STXBP4: variants seen among roughly 807,000 people sequenced by gnomAD.
STXBP4 encodes the protein syntaxin binding protein 4.
A neutral mutation model predicts 76.1 loss-of-function variants in STXBP4; 55 were observed. The observed-to-expected ratio is 0.72, with a 90% CI of 0.58 to 0.91. The LOEUF (loss-of-function observed/expected upper bound fraction) is 0.91. Among genes scored for constraint, STXBP4 ranks in the 40% least tolerant of loss-of-function variants. The probability of loss-of-function intolerance (pLI) is 0.00; values close to 1 mark genes in which losing one functional copy is unlikely to be tolerated. For synonymous variants in STXBP4, 201 were observed against 220.2 expected, an observed-to-expected ratio of 0.91 and a Z score of 0.77; for missense variants, 618 against 636.9, an observed-to-expected ratio of 0.97 and a Z score of 0.32.
At chr17:55,039,412 G>A (rs531143449) in intron 10 of STXBP4, among the ~76,000 whole-genome samples, 10 of 151,808 alleles carry the variant, frequency 6.6e-5, no homozygotes, top group Admixed American at 1.3e-4. Context: ...TAAATGTTAA[G>A]TTTAGAAGTC....
chr17:54,968,782 G>T lies in STXBP4; in HGVS notation c.-190G>T. The T allele has an allele frequency of 1.9e-6, 2 of 1,028,056 alleles. No individual in the cohort carries two copies. The highest frequency in any genetic ancestry group is 2.8e-6 in the Non-Finnish European group (2 of 707,384). 63.7% of individuals were successfully genotyped at this position (1,028,056 alleles called of 1,614,324 possible). A position where few individuals can be genotyped will look rare whatever the true frequency, so the allele number is the denominator to read the frequency against. On this transcript the variant is annotated 5_prime_UTR_variant, in exon 1 of 18. Coordinates refer to ENST00000376352, the MANE Select transcript of STXBP4 (RefSeq NM_178509.6). ...GGCTCCTCAGGTGGCAGCGCTTGCA[G>T]TCGGGCTACGGAGGCCGGGTTGCCA...
At chr17:55,180,821 TAAGAC>T in the STXBP4 span, among the ~76,000 whole-genome samples, 6 of 152,154 alleles carry the variant, frequency 3.9e-5, no homozygotes, top group Non-Finnish European at 8.8e-5. Context: ...TGAAGAGACT[TAAGAC>T]AAGAGGAAAG....
intron 1 of STXBP4, among the ~76,000 whole-genome samples, chr17:54,976,069 T>A (rs2077469684): frequency 6.6e-6 from 1 of 152,206 alleles, no homozygotes; most frequent in Non-Finnish European, 1.5e-5. Context: ...CTTGACTTGT[T>A]CACCATAATA....
In STXBP4 at chr17:55,043,277, G is replaced by T. The variant is rs369283045; in HGVS notation, c.897G>T (p.Arg299Ser). The T allele has an allele frequency of 3.9e-6, 6 of 1,542,938 alleles. No homozygotes were observed. The highest frequency in any genetic ancestry group is 5.2e-6 in the Non-Finnish European group (6 of 1,147,210). ...CDSSEADEMERLKCERDDALK... is the reference protein window; with the variant it reads ...CDSSEADEMESLKCERDDALK... ...CTTCAGAAGCAGATGAAATGGAAAG[G>T]CTCAAGTGTGAAAGAGATGATGCCT... is the stretch of plus-strand genomic sequence containing the variant. The change falls in exon 11 of 18, where the codon AGG (arginine) becomes AGT (serine). Residue 299 changes from arginine to serine, a missense_variant. Arg to Ser is a moderately radical substitution (Grantham distance 110, BLOSUM62 -1). Coordinates refer to ENST00000376352, the MANE Select transcript of STXBP4 (RefSeq NM_178509.6).
intron 12 of STXBP4, among the ~76,000 whole-genome samples, chr17:55,068,722 T>C (rs1021017249): frequency 6.6e-6 from 1 of 152,130 alleles, no homozygotes; most frequent in Admixed American, 6.5e-5. Flanking sequence ...TTTAATTCTC[T>C]TGTGAGAATA....
At chr17:55,197,920 T>A in the STXBP4 span, among the ~76,000 whole-genome samples, 1 of 152,156 alleles carries the variant, frequency 6.6e-6, no homozygotes, top group Non-Finnish European at 1.5e-5. Flanking sequence ...GTTTTCTGGG[T>A]TCTTGGAGTT....
chr17:55,182,934 A>C, the STXBP4 span, among the ~76,000 whole-genome samples: 1 of 152,188 alleles, frequency 6.6e-6, no homozygotes, highest in Admixed American at 6.5e-5. Context: ...TGTTAAAGGA[A>C]GTTTTTAAGA....
chr17:55,156,386 C>T (rs2080277135), intron 17 of STXBP4, among the ~76,000 whole-genome samples: 1 of 152,172 alleles, frequency 6.6e-6, no homozygotes, highest in Admixed American at 6.5e-5. Flanking sequence ...TGTCAAAGCT[C>T]TTTAGCCACA....
At chr17:55,066,556 A>G (rs987029849) in intron 12 of STXBP4, among the ~76,000 whole-genome samples, 3 of 152,312 alleles carry the variant, frequency 2.0e-5, no homozygotes, top group Non-Finnish European at 1.5e-5. Context: ...ATATAAATTA[A>G]TGTTCATAAT....
chr17:55,120,221 C>T (rs774525228), intron 16 of STXBP4, among the ~76,000 whole-genome samples: 2 of 152,302 alleles, frequency 1.3e-5, no homozygotes, highest in Non-Finnish European at 1.5e-5. Flanking sequence ...TTGTTCTATA[C>T]ATTTAGCTGC....
the STXBP4 span, among the ~76,000 whole-genome samples, chr17:55,201,909 A>C: frequency 6.6e-6 from 1 of 152,264 alleles, no homozygotes; most frequent in Non-Finnish European, 1.5e-5. Context: ...CATAATGTTA[A>C]GAGTGCTTAT....
intron 7 of STXBP4, among the ~76,000 whole-genome samples, chr17:55,004,414 G>A (rs942768780): frequency 6.6e-5 from 10 of 152,104 alleles, no homozygotes; most frequent in African/African-American, 2.2e-4. Flanking sequence ...CAGAAAATCC[G>A]AGAGAGGCCA....
At chr17:54,999,568 AT>A in intron 5 of STXBP4, 63 bp from the exon 6 acceptor site, 1 of 1,493,722 alleles carries the variant, frequency 6.7e-7, no homozygotes, top group Middle Eastern at 1.8e-4. Context: ...CTGAAACATT[AT>A]CTTGGATTTC....
At chr17:54,996,530 CT>C (rs2077806724) in intron 4 of STXBP4, among the ~76,000 whole-genome samples, 1 of 152,072 alleles carries the variant, frequency 6.6e-6, no homozygotes, top group South Asian at 2.1e-4. Flanking sequence ...ATATGGAAGT[CT>C]CATTCACTTC....
rs2078497642 is a variant in STXBP4, at chr17:55,030,973, T to A, written c.667-195T>A. On this transcript the variant is annotated intron_variant, in intron 8 of 17. Coordinates refer to ENST00000376352, the MANE Select transcript of STXBP4 (RefSeq NM_178509.6). ...TAAAGTGCTAGTCTTGGGGAAAAAATGAGGTAGTAGTAAAATCAGGAAGCT... is the reference window on the plus strand; with the variant it reads ...TAAAGTGCTAGTCTTGGGGAAAAAAAGAGGTAGTAGTAAAATCAGGAAGCT... 4 of 467,802 alleles carry A rather than the reference T, an allele frequency of 8.6e-6. No individual in the cohort carries two copies. In the East Asian group the frequency reaches 1.4e-4, roughly 16 times the overall value. The allele number at this position is 467,802 out of a possible 1,614,324, so 29.0% of individuals were successfully genotyped here. A position where few individuals can be genotyped will look rare whatever the true frequency, so the allele number is the denominator to read the frequency against.
At position 55,141,164 on chromosome 17, in the gene STXBP4, A is replaced by G; in HGVS notation, c.1490-146A>G. The G allele has an allele frequency of 1.4e-5, 9 of 655,028 alleles. No individual in the cohort carries two copies. In the South Asian group the frequency reaches 1.7e-4, roughly 12 times the overall value. 40.6% of individuals were successfully genotyped at this position (655,028 alleles called of 1,614,324 possible). On this transcript the variant is annotated intron_variant, in intron 16 of 17. Transcript: ENST00000376352. ...GATGCTGAGTATGAAAGCTCATCTG[A>G]ATTGTCTTAATTCCCCCTTTCTAGA...
intron 17 of STXBP4, among the ~76,000 whole-genome samples, chr17:55,145,576 T>C (rs2080143218): frequency 6.6e-6 from 1 of 152,220 alleles, no homozygotes; most frequent in Non-Finnish European, 1.5e-5. Context: ...CATCCACATG[T>C]CCATCACACA....
chr17:55,081,059 A>T lies in STXBP4; in HGVS notation c.1365A>T (p.Arg455Ser). 6.7e-7 allele frequency: 1 copy of T among 1,500,526 alleles called. No homozygotes were observed. Among genetic ancestry groups the T allele is most frequent in the Non-Finnish European group, 8.8e-7 (1 of 1,131,214 alleles). 93.0% of individuals were successfully genotyped at this position (1,500,526 alleles called of 1,614,324 possible). A position where few individuals can be genotyped will look rare whatever the true frequency, so the allele number is the denominator to read the frequency against. ...TTTATTGCCTTCATAGTGAAAGAAG[A>T]GCTGTGTTAGCTTCTCAGACTTCCC... ...STPLSNLSER[R>S]AVLASQTSLT... Residue 455 changes from arginine (R) to serine (S), a missense_variant, in exon 16 of 18, where the codon AGA (arginine) becomes AGT (serine). Physicochemically the swap from Arg to Ser is moderately radical, Grantham distance 110. Transcript: ENST00000376352.
At chr17:55,067,866 G>A (rs2079072816) in intron 12 of STXBP4, among the ~76,000 whole-genome samples, 1 of 152,048 alleles carries the variant, frequency 6.6e-6, no homozygotes, top group Non-Finnish European at 1.5e-5. Context: ...TTAATTACTG[G>A]TTAGGTAAGG....
Sources: allele counts gnomAD v4.1 joint callset (sites outside exome capture counted in the v4.1 genomes callset), GRCh38; gene constraint gnomAD v4.1.1; transcripts MANE v1.5; gene names NCBI Gene and HGNC (gene_info 2026-07-23, HGNC 2026-07-21).